SRPRB: variants seen among roughly 807,000 people sequenced by gnomAD.
SRPRB encodes SRP receptor subunit beta, also known as signal recognition particle receptor subunit beta.
SRPRB carries 20 observed loss-of-function variants against 31.9 expected under a neutral mutation model. The observed-to-expected ratio is 0.63, with a 90% CI of 0.44 to 0.91. The LOEUF is 0.91. Among genes scored for constraint, SRPRB ranks in the 40% least tolerant of loss-of-function variants. The pLI, the probability that SRPRB is intolerant of heterozygous loss-of-function variation, is 0.00. For missense variants in SRPRB, 321 were observed against 324.9 expected, an observed-to-expected ratio of 0.99 and a Z score of 0.09; for synonymous variants, 146 against 132.8, an observed-to-expected ratio of 1.10 and a Z score of -0.68.
At chr3:133,806,794 G>C (rs1194155045) in intron 2 of SRPRB, 91 bp downstream of exon 2, 2 of 1,002,574 alleles carry the variant, frequency 2.0e-6, no homozygotes, top group African/African-American at 3.2e-5. Context: ...TTTTGTAAAA[G>C]AAGCTGATGC....
intron 1 of SRPRB, chr3:133,788,569 C>T (rs1934746691): frequency 6.6e-6 from 1 of 152,258 alleles, no homozygotes; most frequent in African/African-American, 2.4e-5. Context: ...TTTGGCAAGG[C>T]AGCCAGGAGG....
rs1935254385 is a variant in SRPRB, at chr3:133,811,095, A to G, written c.328-22A>G. 1.9e-6 allele frequency: 3 copies of G among 1,613,118 alleles called. 1 individual carries two copies. The highest frequency in any genetic ancestry group is 2.5e-6 in the Non-Finnish European group (3 of 1,179,144). On this transcript the variant is annotated intron_variant, in intron 3 of 6. Transcript: ENST00000678299. ...AACGTGGAACTGTATTGAAACGTTAATGTTATTGCTGCCATCCCCAGGGCA... is the reference window on the plus strand; with the variant it reads ...AACGTGGAACTGTATTGAAACGTTAGTGTTATTGCTGCCATCCCCAGGGCA...
At chr3:133,807,203 T>C (rs1559890357) in intron 2 of SRPRB, among the ~76,000 whole-genome samples, 1 of 152,008 alleles carries the variant, frequency 6.6e-6, no homozygotes, top group Non-Finnish European at 1.5e-5. Flanking sequence ...TTAACTCTTC[T>C]TTTTGAGAGT....
At chr3:133,810,730 A>AT (rs2107970968) in intron 3 of SRPRB, 1 of 157,162 alleles carries the variant, frequency 6.4e-6, no homozygotes, top group African/African-American at 2.4e-5. Flanking sequence ...CTGTTTTCAC[A>AT]TTTTTGCTTA....
intron 1 of SRPRB, among the ~76,000 whole-genome samples, chr3:133,800,378 A>C (rs1935043570): frequency 6.6e-6 from 1 of 152,192 alleles, no homozygotes; most frequent in Admixed American, 6.5e-5. Flanking sequence ...ATAAGCTTAG[A>C]TATGGTGCAA....
downstream of SRPRB, among the ~76,000 whole-genome samples, chr3:133,822,329 G>C (rs1265722602): frequency 6.6e-6 from 1 of 152,116 alleles, no homozygotes; most frequent in Non-Finnish European, 1.5e-5. Flanking sequence ...TCATGGAGGG[G>C]CAGCTGTGAT....
At chr3:133,799,582 A>G (rs1409271268) in intron 1 of SRPRB, among the ~76,000 whole-genome samples, 1 of 152,220 alleles carries the variant, frequency 6.6e-6, no homozygotes, top group Non-Finnish European at 1.5e-5. Flanking sequence ...CTCAAAATGA[A>G]GATCTATTAC....
intron 3 of SRPRB, chr3:133,810,146 T>G (rs1490286304): frequency 2.6e-5 from 4 of 151,986 alleles, no homozygotes; most frequent in Non-Finnish European, 4.4e-5. Flanking sequence ...ATCTCCAGAC[T>G]CTTAACAGTA....
At position 133,816,873 on chromosome 3, in the gene SRPRB, T is replaced by A. The variant is rs1267967972; in HGVS notation, c.548-5T>A. On this transcript the variant is annotated splice_region_variant and splice_polypyrimidine_tract_variant and intron_variant, in intron 5 of 6. Transcript: ENST00000678299. ...AACTACAACAGTGTCTTTATTTCTT[T>A]ACAGATATTGCAATGGCAAAATCAG... is the stretch of plus-strand genomic sequence containing the variant. 1 of 1,606,706 alleles carries A rather than the reference T, an allele frequency of 6.2e-7. No homozygotes were observed. The highest frequency in any genetic ancestry group is 8.5e-7 in the Non-Finnish European group (1 of 1,176,598).
intron 1 of SRPRB, among the ~76,000 whole-genome samples, chr3:133,806,232 A>G (rs1935155541): frequency 1.3e-5 from 2 of 152,180 alleles, no homozygotes; most frequent in African/African-American, 4.8e-5. Context: ...CTTGGGGCGC[A>G]GATTGCTCTT....
At chr3:133,816,965 A>G (rs1314623163) in intron 6 of SRPRB, 33 bp downstream of exon 6, 3 of 1,566,126 alleles carry the variant, frequency 1.9e-6, no homozygotes, top group East Asian at 2.3e-5. Context: ...GGTTAATTAT[A>G]TATCTTAACA....
In SRPRB at chr3:133,786,222, TAAAA is replaced by T. The variant is rs1553742153; in HGVS notation, c.-174+2093_-174+2096del. ...AAGAATTATCAATAAAAAAATAAAT[TAAAA>T]AAAAAAAAAAAAAACAATACTATTT... On this transcript the variant is annotated intron_variant, in intron 1 of 7. Coordinates refer to the SRPRB transcript ENST00000466490. The T allele has an allele frequency of 4.7e-5, 4 of 84,352 alleles. 1 individual carries two copies. Among genetic ancestry groups the T allele is most frequent in the African/African-American group, 7.9e-5 (2 of 25,396 alleles). 5.2% of individuals were successfully genotyped at this position (84,352 alleles called of 1,614,324 possible). A position where few individuals can be genotyped will look rare whatever the true frequency, so the allele number is the denominator to read the frequency against.
chr3:133,790,532 T>C (rs531079574), intron 1 of SRPRB: 1 of 152,370 alleles, frequency 6.6e-6, no homozygotes, highest in Non-Finnish European at 1.5e-5. Flanking sequence ...AAAGTTTAGA[T>C]AATAAAATAT....
chr3:133,822,264 G>A (rs1050624470), downstream of SRPRB, among the ~76,000 whole-genome samples: 37 of 152,180 alleles, frequency 2.4e-4, no homozygotes, highest in African/African-American at 8.7e-4. Context: ...TCCTAGGACA[G>A]CAGCTGCCTA....
chr3:133,823,389 T>G (rs542135037), downstream of SRPRB, among the ~76,000 whole-genome samples: 4 of 152,144 alleles, frequency 2.6e-5, no homozygotes, highest in Non-Finnish European at 4.4e-5. Flanking sequence ...CCTCCCCAAG[T>G]AGCTGGGATT....
intron 1 of SRPRB, chr3:133,790,750 T>C (rs1440780086): frequency 6.6e-6 from 1 of 152,252 alleles, no homozygotes; most frequent in Non-Finnish European, 1.5e-5. Flanking sequence ...CACTGTTTAC[T>C]GTTTTGTGTG....
intron 1 of SRPRB, among the ~76,000 whole-genome samples, chr3:133,800,286 C>T (rs994244608): frequency 1.3e-5 from 2 of 152,216 alleles, no homozygotes; most frequent in African/African-American, 2.4e-5. Flanking sequence ...TAGAGCCAGA[C>T]CTTCCCTATG....
At position 133,820,065 on chromosome 3, in the gene SRPRB, CAG is replaced by C. The variant is rs1373395776; in HGVS notation, c.*304_*305del. On this transcript the variant is annotated 3_prime_UTR_variant, in exon 7 of 7. Coordinates refer to ENST00000678299, the MANE Select transcript of SRPRB (RefSeq NM_001379313.1). Reference sequence around the variant, plus strand: ...TTTGTGACAACAGGCAGACTCCACACAGAGAGGATATGATGAGAATATGGCCA... The same window carrying C: ...TTTGTGACAACAGGCAGACTCCACACAGAGGATATGATGAGAATATGGCCA... 2.6e-5 allele frequency: 9 copies of C among 344,818 alleles called. No homozygotes were observed. The highest frequency in any genetic ancestry group is 2.5e-4 in the Admixed American group (6 of 23,866). The allele number at this position is 344,818 out of a possible 1,614,324, so 21.4% of individuals were successfully genotyped here.
chr3:133,803,196 A>G (rs1462500717), upstream of SRPRB, among the ~76,000 whole-genome samples: 1 of 151,916 alleles, frequency 6.6e-6, no homozygotes, highest in African/African-American at 2.4e-5. Context: ...TTTCCTCTCA[A>G]GTCATAGTCC....
Sources: gnomAD v4.1 joint callset for allele counts (sites outside exome capture counted in the v4.1 genomes callset) on GRCh38, gnomAD v4.1.1 for gene constraint, MANE v1.5 for transcripts, NCBI Gene and HGNC (gene_info 2026-07-23, HGNC 2026-07-21) for gene names.